SLC24A3: variants seen among roughly 807,000 people sequenced by gnomAD.
SLC24A3 encodes the protein sodium/potassium/calcium exchanger 3.
In SLC24A3, 28 loss-of-function variants were observed where a neutral mutation model predicts 75.8. The observed-to-expected ratio is 0.37, with a 90% CI of 0.27 to 0.51. SLC24A3 has a LOEUF of 0.51. SLC24A3 is among the 20% of genes least tolerant of loss of function. The pLI, the probability that SLC24A3 is intolerant of heterozygous loss-of-function variation, is 0.94. For synonymous variants in SLC24A3, 372 were observed against 334.1 expected (o/e 1.11, Z -1.24); for missense variants, 663 against 847.8 (o/e 0.78, Z 2.71).
chr20:19,445,224 C>G (rs1987360518), intron 2 of SLC24A3, among the ~76,000 whole-genome samples: 1 of 152,202 alleles, frequency 6.6e-6, no homozygotes, highest in Non-Finnish European at 1.5e-5. Flanking sequence ...AATATAACCA[C>G]TGGCTTGAAG....
intron 15 of SLC24A3, among the ~76,000 whole-genome samples, chr20:19,705,962 C>T (rs1044676772): frequency 1.3e-5 from 2 of 152,142 alleles, no homozygotes; most frequent in Admixed American, 1.3e-4. Context: ...TGGTGATGAA[C>T]GTCTGTTCCA....
chr20:19,669,602 G>A (rs191934841), intron 8 of SLC24A3, among the ~76,000 whole-genome samples: 1 of 152,208 alleles, frequency 6.6e-6, no homozygotes, highest in African/African-American at 2.4e-5. Context: ...AATTCGGAAT[G>A]TGTCTTCAGG....
At chr20:19,251,317 G>C (rs961943860) in intron 1 of SLC24A3, among the ~76,000 whole-genome samples, 8 of 152,198 alleles carry the variant, frequency 5.3e-5, no homozygotes, top group African/African-American at 1.9e-4. Flanking sequence ...GGGATAGTAA[G>C]AGAGCACTGA....
At chr20:19,217,981 T>C (rs987773931) in intron 1 of SLC24A3, among the ~76,000 whole-genome samples, 3 of 152,166 alleles carry the variant, frequency 2.0e-5, no homozygotes, top group Non-Finnish European at 1.5e-5. Context: ...TTGGGTGATA[T>C]CTCCTCTTCC....
At chr20:19,702,152 C>A (rs1482755966) in intron 15 of SLC24A3, among the ~76,000 whole-genome samples, 2 of 152,182 alleles carry the variant, frequency 1.3e-5, no homozygotes, top group African/African-American at 4.8e-5. Context: ...ATAAATCATT[C>A]TCCTAATGAT....
chr20:19,711,390 CCACACATGCAAA>C (rs2032990557), intron 15 of SLC24A3, among the ~76,000 whole-genome samples: 2 of 150,770 alleles, frequency 1.3e-5, no homozygotes, highest in South Asian at 4.2e-4. Context: ...GCACACATAT[CCACACATGCAAA>C]CACACAGGCA....
chr20:19,221,320 A>G (rs1432376591), intron 1 of SLC24A3, among the ~76,000 whole-genome samples: 3 of 152,198 alleles, frequency 2.0e-5, no homozygotes, highest in African/African-American at 2.4e-5. Flanking sequence ...GCTCTGATCT[A>G]GACAGGTCAC....
intron 16 of SLC24A3, among the ~76,000 whole-genome samples, chr20:19,719,841 G>T (rs932823248): frequency 6.6e-6 from 1 of 152,180 alleles, no homozygotes; most frequent in Admixed American, 6.5e-5. Context: ...GGGAATCAGG[G>T]TGGATGCCCC....
intron 1 of SLC24A3, among the ~76,000 whole-genome samples, chr20:19,237,815 C>T (rs1288078814): frequency 2.0e-5 from 3 of 152,084 alleles, no homozygotes; most frequent in Non-Finnish European, 2.9e-5. Context: ...GCCTGCTCCC[C>T]CTTTTTCCTC....
chr20:19,243,854 C>T (rs1371524881), intron 1 of SLC24A3: 1 of 152,198 alleles, frequency 6.6e-6, no homozygotes, highest in Non-Finnish European at 1.5e-5. Flanking sequence ...ACTGAATCCC[C>T]ATGTGGAAAA....
intron 4 of SLC24A3, among the ~76,000 whole-genome samples, chr20:19,583,428 C>A (rs970432367): frequency 6.6e-6 from 1 of 152,090 alleles, no homozygotes; most frequent in South Asian, 2.1e-4. Context: ...AGGAATTATT[C>A]CAAGCTCTGG....
intron 3 of SLC24A3, among the ~76,000 whole-genome samples, chr20:19,565,568 T>C (rs933541878): frequency 6.6e-6 from 1 of 152,198 alleles, no homozygotes; most frequent in East Asian, 1.9e-4. Context: ...TTCTTCCTTG[T>C]CTTGCCTTTG....
At chr20:19,359,917 A>G (rs567942483) in intron 2 of SLC24A3, among the ~76,000 whole-genome samples, 62 of 152,182 alleles carry the variant, frequency 4.1e-4, no homozygotes, top group Middle Eastern at 6.8e-3. Flanking sequence ...AGGCACTAAT[A>G]GGTGAGGAAG....
intron 2 of SLC24A3, among the ~76,000 whole-genome samples, chr20:19,482,169 T>C (rs1988066319): frequency 6.6e-6 from 1 of 152,202 alleles, no homozygotes; most frequent in Non-Finnish European, 1.5e-5. Context: ...TTCCCATTGC[T>C]CTAAGGGTGA....
chr20:19,477,879 T>G (rs1600245887), intron 2 of SLC24A3, among the ~76,000 whole-genome samples: 1 of 152,130 alleles, frequency 6.6e-6, no homozygotes. Context: ...TACTATTGGG[T>G]TTTGCAGGTA....
At chr20:19,389,470 G>A (rs1323527934) in intron 2 of SLC24A3, among the ~76,000 whole-genome samples, 1 of 151,764 alleles carries the variant, frequency 6.6e-6, no homozygotes, top group East Asian at 1.9e-4. Flanking sequence ...ATTTCTGAAG[G>A]ACAGTCTTGC....
chr20:19,624,728 T>C (rs2031847073), intron 6 of SLC24A3, among the ~76,000 whole-genome samples: 1 of 152,144 alleles, frequency 6.6e-6, no homozygotes, highest in South Asian at 2.1e-4. Flanking sequence ...AAATAGGGTG[T>C]GAGTTCACAC....
At chr20:19,649,599 G>C (rs1299672290) in intron 6 of SLC24A3, among the ~76,000 whole-genome samples, 1 of 151,052 alleles carries the variant, frequency 6.6e-6, no homozygotes, top group African/African-American at 2.4e-5. Flanking sequence ...TGTTTTTTTT[G>C]TTTGTTTGTT....
At chr20:19,485,641 C>T (rs1157656210) in intron 2 of SLC24A3, among the ~76,000 whole-genome samples, 1 of 152,130 alleles carries the variant, frequency 6.6e-6, no homozygotes, top group East Asian at 1.9e-4. Flanking sequence ...TTCAAACATA[C>T]ATACACTTTT....
Sources: gnomAD v4.1 joint callset for allele counts (sites outside exome capture counted in the v4.1 genomes callset) on GRCh38, gnomAD v4.1.1 for gene constraint, MANE v1.5 for transcripts, NCBI Gene and HGNC (gene_info 2026-07-23, HGNC 2026-07-21) for gene names.